LRP1B: variants seen among roughly 807,000 people sequenced by gnomAD.
LRP1B encodes low-density lipoprotein receptor-related protein 1B.
A neutral mutation model predicts 556.6 loss-of-function variants in LRP1B; 217 were observed. That is an observed-to-expected ratio of 0.39 (90% CI 0.35 to 0.44). LRP1B has a LOEUF of 0.44. Ranked by LOEUF, LRP1B falls within the 20% of genes least tolerant of loss-of-function variation. The pLI is 1.00. For missense variants in LRP1B, 5,053 were observed against 5,620.8 expected, an observed-to-expected ratio of 0.90 and a Z score of 3.23; for synonymous variants, 2,047 against 1,865.8, an observed-to-expected ratio of 1.10 and a Z score of -2.50.
intron 6 of LRP1B, among the ~76,000 whole-genome samples, chr2:141,201,459 G>T (rs1224785052): frequency 1.3e-5 from 2 of 152,058 alleles, no homozygotes; most frequent in African/African-American, 4.8e-5. Flanking sequence ...CTCTAGGAAA[G>T]AATTTACTGA....
intron 41 of LRP1B, among the ~76,000 whole-genome samples, chr2:140,637,036 G>T (rs561800004): frequency 1.8e-4 from 27 of 152,220 alleles, no homozygotes; most frequent in African/African-American, 6.0e-4. Flanking sequence ...TTTATTAATG[G>T]CTTTGGACCA....
intron 2 of LRP1B, among the ~76,000 whole-genome samples, chr2:141,697,901 C>T (rs781572171): frequency 1.3e-5 from 2 of 151,934 alleles, no homozygotes; most frequent in African/African-American, 2.4e-5. Context: ...ATGATGATTA[C>T]TATCATGATG....
chr2:141,467,138 A>G (rs1410171566), intron 3 of LRP1B, among the ~76,000 whole-genome samples: 4 of 68,372 alleles, frequency 5.9e-5, no homozygotes, highest in Non-Finnish European at 1.0e-4. Flanking sequence ...ATATATATAT[A>G]TATATATATA....
At chr2:140,950,667 T>C (rs1695686823) in intron 19 of LRP1B, among the ~76,000 whole-genome samples, 1 of 152,062 alleles carries the variant, frequency 6.6e-6, no homozygotes, top group Non-Finnish European at 1.5e-5. Flanking sequence ...TTTGTATTTC[T>C]TTAGTAAAGA....
At chr2:140,570,554 G>A (rs1337300421) in intron 43 of LRP1B, among the ~76,000 whole-genome samples, 5 of 151,624 alleles carry the variant, frequency 3.3e-5, no homozygotes, top group Non-Finnish European at 3.0e-5. Flanking sequence ...TCAGAGAAAG[G>A]CCCAGGACTG....
At chr2:141,980,018 T>A (rs1701999571) in intron 1 of LRP1B, among the ~76,000 whole-genome samples, 1 of 152,148 alleles carries the variant, frequency 6.6e-6, no homozygotes, top group Non-Finnish European at 1.5e-5. Flanking sequence ...ATATTTGAGG[T>A]CACCTTGTAT....
chr2:141,057,265 C>T (rs1389516538), intron 9 of LRP1B, among the ~76,000 whole-genome samples: 2 of 151,896 alleles, frequency 1.3e-5, no homozygotes, highest in African/African-American at 4.8e-5. Context: ...TAATAGTCTA[C>T]AGAGCCCTAC....
rs186333376 is a variant in LRP1B at position 140,677,734 on chromosome 2, G to T, written c.6799+22516C>A. On this transcript the variant is annotated intron_variant, in intron 41 of 90. Coordinates refer to ENST00000389484, the MANE Select transcript of LRP1B (RefSeq NM_018557.3). ...CTAAAAATACAAAAAAAACTAGCCAGGCTTGGTGGCAGGCACCTGTAATCC... is the reference window on the plus strand; with the variant it reads ...CTAAAAATACAAAAAAAACTAGCCATGCTTGGTGGCAGGCACCTGTAATCC... 5.8e-3 allele frequency among the ~76,000 whole-genome samples: 884 copies of T among 152,096 alleles called. 2 individuals carry two copies. Among genetic ancestry groups the T allele is most frequent in the Middle Eastern group, 0.037 (11 of 294 alleles).
intron 7 of LRP1B, among the ~76,000 whole-genome samples, chr2:141,081,672 A>T (rs1376061678): frequency 6.8e-6 from 1 of 147,248 alleles, no homozygotes; most frequent in East Asian, 2.0e-4. Context: ...TCATTTCCAT[A>T]TTAAATTAGC....
intron 41 of LRP1B, among the ~76,000 whole-genome samples, chr2:140,640,306 T>C (rs976482951): frequency 6.7e-6 from 1 of 148,996 alleles, no homozygotes; most frequent in Non-Finnish European, 1.5e-5. Flanking sequence ...TGCTACATTG[T>C]TTAAGATTAT....
intron 3 of LRP1B, among the ~76,000 whole-genome samples, chr2:141,280,414 G>T (rs563114063): frequency 6.6e-6 from 1 of 151,924 alleles, no homozygotes; most frequent in South Asian, 2.1e-4. Context: ...ACATATAATA[G>T]ACTACGTTAG....
chr2:141,027,623 C>G (rs1286282944), intron 11 of LRP1B, among the ~76,000 whole-genome samples: 1 of 152,072 alleles, frequency 6.6e-6, no homozygotes, highest in African/African-American at 2.4e-5. Context: ...AATATTGCAT[C>G]AACATTAATT....
At chr2:140,446,511 G>A (rs1327940103) in intron 63 of LRP1B, among the ~76,000 whole-genome samples, 4 of 152,072 alleles carry the variant, frequency 2.6e-5, no homozygotes, top group Non-Finnish European at 5.9e-5. Context: ...CTTATTGTCT[G>A]CAGGTATTGA....
At chr2:141,236,120 A>G (rs888656049) in intron 5 of LRP1B, among the ~76,000 whole-genome samples, 6 of 152,018 alleles carry the variant, frequency 3.9e-5, no homozygotes, top group Non-Finnish European at 1.5e-5. Context: ...TAAATTTCCC[A>G]CTCAACTTTC....
intron 2 of LRP1B, among the ~76,000 whole-genome samples, chr2:141,558,475 A>G (rs1686038177): frequency 6.6e-6 from 1 of 151,832 alleles, no homozygotes; most frequent in Admixed American, 6.6e-5. Context: ...TCTTCTTCAC[A>G]TAAAATGGGA....
At chr2:141,863,344 T>C (rs1698311029) in intron 1 of LRP1B, among the ~76,000 whole-genome samples, 1 of 152,046 alleles carries the variant, frequency 6.6e-6, no homozygotes, top group African/African-American at 2.4e-5. Context: ...GAACCAATAA[T>C]AAAACAAGTA....
chr2:142,020,207 T>C (rs1703286624), intron 1 of LRP1B, among the ~76,000 whole-genome samples: 1 of 152,162 alleles, frequency 6.6e-6, no homozygotes, highest in Admixed American at 6.5e-5. Context: ...AAGTCGTTCA[T>C]GAGTGGTATA....
At chr2:141,114,812 A>T (rs951492348) in intron 7 of LRP1B, among the ~76,000 whole-genome samples, 2 of 152,142 alleles carry the variant, frequency 1.3e-5, no homozygotes, top group African/African-American at 4.8e-5. Context: ...ATTCGTAATT[A>T]AGTGTGTGGG....
chr2:141,765,689 C>G (rs1471705582), intron 2 of LRP1B, among the ~76,000 whole-genome samples: 1 of 152,136 alleles, frequency 6.6e-6, no homozygotes, highest in Admixed American at 6.5e-5. Flanking sequence ...ACACATAAAC[C>G]CTTTTTCAGC....
Sources: gnomAD v4.1 joint callset for allele counts (sites outside exome capture counted in the v4.1 genomes callset) on GRCh38, gnomAD v4.1.1 for gene constraint, MANE v1.5 for transcripts, NCBI Gene and HGNC (gene_info 2026-07-23, HGNC 2026-07-21) for gene names.